The following HGF variants were observed in gnomAD, a reference collection of about 807,000 sequenced individuals.
The protein encoded by HGF is hepatocyte growth factor, also known as fibroblast-derived tumor cytotoxic factor.
HGF carries 39 observed loss-of-function variants against 111.6 expected under a neutral mutation model. The observed-to-expected ratio is 0.35, with a 90% CI of 0.27 to 0.46. The LOEUF (loss-of-function observed/expected upper bound fraction) is 0.46, where lower values mean the gene tolerates loss of function less well. HGF is among the 20% of genes least tolerant of loss of function. HGF has a pLI of 1.00. For missense variants in HGF, 735 were observed against 910.5 expected (o/e 0.81, Z 2.48); for synonymous variants, 285 against 294.8 (o/e 0.97, Z 0.34).
In HGF at chr7:81,701,247, A is replaced by C. The variant is rs1448320774; in HGVS notation, c.*1334T>G. ...AAGAAAAAATAAACATATCTTGATAAAATATCTGATTCAACAGATTCCACT... is the reference window on the plus strand; with the variant it reads ...AAGAAAAAATAAACATATCTTGATACAATATCTGATTCAACAGATTCCACT... On this transcript the variant is annotated 3_prime_UTR_variant, in exon 18 of 18. Coordinates refer to ENST00000222390, the MANE Select transcript of HGF (RefSeq NM_000601.6). 1 of 151,528 alleles carries C rather than the reference A, an allele frequency of 6.6e-6. No homozygotes were observed. The highest frequency in any genetic ancestry group is 1.9e-4 in the East Asian group (1 of 5,170). The allele number at this position is 151,528 out of a possible 1,614,324, so 9.4% of individuals were successfully genotyped here.
chr7:81,740,330 G>A lies in HGF; in HGVS notation c.865+3023C>T, dbSNP rs906874146. Among the ~76,000 whole-genome samples the A allele has an allele frequency of 5.3e-5, 8 of 152,040 alleles. No individual in the cohort carries two copies. In the South Asian group the frequency reaches 6.2e-4, roughly 12 times the overall value. ...AGAAAACTGGCCCAGTTAATGATAC[G>A]AATAAAAAATAATAATTAATTATCT... is the stretch of plus-strand genomic sequence containing the variant. On this transcript the variant is annotated intron_variant, in intron 7 of 17. Coordinates refer to ENST00000222390, the MANE Select transcript of HGF (RefSeq NM_000601.6).
chr7:81,742,239 T>G (rs1407825183), intron 7 of HGF, among the ~76,000 whole-genome samples: 1 of 152,184 alleles, frequency 6.6e-6, no homozygotes, highest in Non-Finnish European at 1.5e-5. Flanking sequence ...TTAAGAGTTG[T>G]CCAAAACATT....
At position 81,726,002 on chromosome 7, in the gene HGF, A is replaced by G. The variant is rs1416187333; in HGVS notation, c.1056T>C (p.Asn352=). 1.2e-6 allele frequency: 2 copies of G among 1,613,890 alleles called. No homozygotes were observed. Among genetic ancestry groups the G allele is most frequent in the Non-Finnish European group, 1.7e-6 (2 of 1,179,932 alleles). The part of the protein sequence containing the change: ...ENFKCKDLRE[N]YCRNPDGSES... The stretch of plus-strand genomic sequence containing the variant: ...CAGACCCATCTGGATTTCGGCAGTA[A>G]TTTTCTCGTAGGTCCCTATTGAGAA... The change falls in exon 9 of 18, where the codon AAT becomes AAC. Residue 352 remains asparagine, a synonymous_variant. Transcript: ENST00000222390.
chr7:81,769,250 C>T lies in HGF; in HGVS notation c.88+634G>A, dbSNP rs5745614. Among the ~76,000 whole-genome samples, 125 of 152,282 alleles carry T rather than the reference C, an allele frequency of 8.2e-4. 2 individuals are homozygous for T. The South Asian group carries it at 0.018, about 21-fold the overall frequency. ...GGAGAAAGTGGGAGACAGAGATGGG[C>T]AGTTCTGCAGCTTTAATCAAAGTCT... On this transcript the variant is annotated intron_variant, in intron 1 of 17. Transcript: ENST00000222390.
At chr7:81,705,604 A>G (rs747052903) in intron 16 of HGF, 43 bp downstream of exon 16, 1 of 1,597,686 alleles carries the variant, frequency 6.3e-7, no homozygotes, top group Non-Finnish European at 8.6e-7. Context: ...TGTTCTTTTT[A>G]AAATAAAATA....
intron 7 of HGF, among the ~76,000 whole-genome samples, chr7:81,734,896 C>A (rs1455346297): frequency 2.6e-5 from 4 of 152,100 alleles, no homozygotes; most frequent in Admixed American, 2.6e-4. Flanking sequence ...TATTGCTTCT[C>A]TTTTCCCTAT....
intron 1 of HGF, among the ~76,000 whole-genome samples, chr7:81,765,660 T>C (rs933410665): frequency 6.6e-6 from 1 of 152,188 alleles, no homozygotes; most frequent in Non-Finnish European, 1.5e-5. Flanking sequence ...CATCATGTAA[T>C]CCACACATCT....
chr7:81,770,005 A>T lies in HGF; in HGVS notation c.-34T>A. On this transcript the variant is annotated 5_prime_UTR_variant, in exon 1 of 18. Coordinates refer to ENST00000222390, the MANE Select transcript of HGF (RefSeq NM_000601.6). ...TGGACGGGCTGGCGGATCCCTCTGG[A>T]GGAGATGCCTGGGTGAAAGAATCCT... The T allele has an allele frequency of 6.8e-7, 1 of 1,477,386 alleles. No individual in the cohort carries two copies. Among genetic ancestry groups the T allele is most frequent in the Non-Finnish European group, 9.2e-7 (1 of 1,081,742 alleles). 91.5% of individuals were successfully genotyped at this position (1,477,386 alleles called of 1,614,324 possible).
intron 5 of HGF, chr7:81,751,218 A>C: frequency 1.1e-6 from 1 of 949,718 alleles, no homozygotes; most frequent in Non-Finnish European, 1.3e-6. Flanking sequence ...CTTGGACAGC[A>C]TTCCAGTAGT....
At chr7:81,762,606 T>A in intron 2 of HGF, 101 bp downstream of exon 2, 1 of 937,642 alleles carries the variant, frequency 1.1e-6, no homozygotes. Flanking sequence ...CTTACAATTT[T>A]ATGATCAAAT....
intron 11 of HGF, among the ~76,000 whole-genome samples, chr7:81,712,025 A>G (rs1013359652): frequency 3.9e-5 from 6 of 152,258 alleles, no homozygotes; most frequent in African/African-American, 1.4e-4. Context: ...TTACTGGATA[A>G]TATTGTAAGT....
At chr7:81,747,957 AAAAC>A (rs1279372904) in intron 5 of HGF, among the ~76,000 whole-genome samples, 2 of 152,302 alleles carry the variant, frequency 1.3e-5, no homozygotes, top group East Asian at 1.9e-4. Flanking sequence ...ACAAAAAACA[AAAAC>A]AAACAAATAA....
chr7:81,714,971 C>T (rs1264674182), intron 11 of HGF, among the ~76,000 whole-genome samples: 16 of 152,046 alleles, frequency 1.1e-4, no homozygotes, highest in Non-Finnish European at 2.4e-4. Flanking sequence ...TAATCAAATA[C>T]TAGTAACCCC....
rs10539468 is a variant in HGF, at chr7:81,713,989, CGTGTGTGTGTGTGT to C, written c.1406-2484_1406-2471del. 1.3e-3 allele frequency among the ~76,000 whole-genome samples: 179 copies of C among 142,420 alleles called. 1 individual carries two copies. The highest frequency in any genetic ancestry group is 2.1e-3 in the Non-Finnish European group (135 of 64,696). The allele number at this position is 142,420 out of a possible 152,430, so 93.4% of individuals were successfully genotyped here. On this transcript the variant is annotated intron_variant, in intron 11 of 17. Transcript: ENST00000222390. ...CTACGGAAGGGTAGGGGTGTGTGTG[CGTGTGTGTGTGTGT>C]GTGTGTGTGTGTGTGTGTGTGTGTG...
At chr7:81,759,379 T>G (rs1361773787) in intron 2 of HGF, among the ~76,000 whole-genome samples, 1 of 152,198 alleles carries the variant, frequency 6.6e-6, no homozygotes, top group Non-Finnish European at 1.5e-5. Context: ...GTTTGGAAAT[T>G]TTTGCATATA....
intron 5 of HGF, among the ~76,000 whole-genome samples, chr7:81,747,261 C>T (rs945592748): frequency 1.4e-4 from 21 of 152,146 alleles, no homozygotes; most frequent in African/African-American, 4.8e-4. Flanking sequence ...ATGGCGTGAA[C>T]CCGGGAGATG....
At chr7:81,722,353 T>C (rs1789886016) in intron 9 of HGF, among the ~76,000 whole-genome samples, 2 of 151,432 alleles carry the variant, frequency 1.3e-5, no homozygotes, top group African/African-American at 4.9e-5. Context: ...TTAGTAGAGA[T>C]GGGGTTTCAC....
rs562868002 is a variant in HGF at position 81,758,943 on chromosome 7, A to T, written c.255-139T>A. 220 of 581,282 alleles carry T rather than the reference A, an allele frequency of 3.8e-4. 3 individuals are homozygous for T. The highest frequency in any genetic ancestry group is 3.6e-3 in the Middle Eastern group (8 of 2,224). 36.0% of individuals were successfully genotyped at this position (581,282 alleles called of 1,614,324 possible). ...ATAATTACATATACATAATAAAAATATGAGTAAAATTTGAACCTACCATTT... is the reference window on the plus strand; with the variant it reads ...ATAATTACATATACATAATAAAAATTTGAGTAAAATTTGAACCTACCATTT... On this transcript the variant is annotated intron_variant, in intron 2 of 17. Transcript: ENST00000222390.
intron 3 of HGF, 132 bp from the exon 4 acceptor site, chr7:81,757,435 T>C (rs1788835221): frequency 3.1e-6 from 2 of 653,970 alleles, no homozygotes; most frequent in Non-Finnish European, 5.5e-6. Context: ...ATTTCTTGCC[T>C]AAAGCTTCTA....
Sources: allele counts gnomAD v4.1 joint callset (sites outside exome capture counted in the v4.1 genomes callset), GRCh38; gene constraint gnomAD v4.1.1; transcripts MANE v1.5; gene names NCBI Gene and HGNC (gene_info 2026-07-23, HGNC 2026-07-21).